Variants in DLGAP4 observed in about 807,000 individuals in gnomAD.
DLGAP4 encodes DLG associated protein 4, also known as disks large-associated protein 4.
DLGAP4 carries 18 observed loss-of-function variants against 86.9 expected under a neutral mutation model. That is an observed-to-expected ratio of 0.21 (90% CI 0.14 to 0.31). The LOEUF is 0.31. Ranked by LOEUF, DLGAP4 falls within the 10% of genes least tolerant of loss-of-function variation. The pLI is 1.00. For synonymous variants in DLGAP4, 548 were observed against 574.3 expected (o/e 0.95, Z 0.65); for missense variants, 1,085 against 1,362.6 (o/e 0.80, Z 3.21).
intron 1 of DLGAP4, among the ~76,000 whole-genome samples, chr20:36,326,018 T>C (rs1215052098): frequency 6.6e-6 from 1 of 152,162 alleles, no homozygotes; most frequent in Non-Finnish European, 1.5e-5. Flanking sequence ...GTGCCTGTCC[T>C]GAAACAGACT....
intron 7 of DLGAP4, among the ~76,000 whole-genome samples, chr20:36,464,468 A>G (rs985537578): frequency 7.9e-5 from 12 of 151,862 alleles, no homozygotes; most frequent in African/African-American, 2.9e-4. Context: ...AGGCTGAGGC[A>G]GGAGGACAGC....
intron 7 of DLGAP4, chr20:36,461,877 C>T (rs2034095924): frequency 5.1e-6 from 5 of 985,028 alleles, no homozygotes; most frequent in Non-Finnish European, 6.0e-6. Context: ...CGCGCTCCTC[C>T]GCAGCCCCTC....
At position 36,446,779 on chromosome 20, in the gene DLGAP4, C is replaced by A. The variant is rs192489219; in HGVS notation, c.1490C>A (p.Thr497Lys). Residue 497 changes from threonine to lysine, a missense_variant, in exon 7 of 13, where the codon ACG (threonine) becomes AAG (lysine). By Grantham distance (78) the Thr-to-Lys change is moderately conservative. This residue lies in a region of DLGAP4 where 1,082 missense variants were observed against 1,344.1 expected (regional missense o/e 0.81). Transcript: ENST00000339266. ...GAAGCGGAGTCCACAGCGGCAGAGA[C>A]GCTTGACTTGCCACTGCCCAGCTAC... ...CSEAESTAAETLDLPLPSYFR... is the reference protein window; with the variant it reads ...CSEAESTAAEKLDLPLPSYFR... 1 of 1,612,822 alleles carries A rather than the reference C, an allele frequency of 6.2e-7. No homozygotes were observed. The highest frequency in any genetic ancestry group is 8.5e-7 in the Non-Finnish European group (1 of 1,179,808).
chr20:36,393,890 A>G lies in DLGAP4; in HGVS notation c.-73+26615A>G, dbSNP rs1317754750. 1.3e-5 allele frequency among the ~76,000 whole-genome samples: 2 copies of G among 152,070 alleles called. No homozygotes were observed. The highest frequency in any genetic ancestry group is 4.8e-5 in the African/African-American group (2 of 41,398). On this transcript the variant is annotated intron_variant, in intron 2 of 12. Coordinates refer to ENST00000339266, the MANE Select transcript of DLGAP4 (RefSeq NM_001365621.2). This position sits in a 1 kb window ranked among gnomAD's most constrained non-coding sequence, Gnocchi z 4.4. ...TCGGCCAGCCCTGAGGCAGCTGAGG[A>G]GGGGGCTCAGGGACTCATCCCTCGC...
intron 7 of DLGAP4, among the ~76,000 whole-genome samples, chr20:36,471,949 C>A (rs1166499528): frequency 6.6e-6 from 1 of 152,130 alleles, no homozygotes; most frequent in Non-Finnish European, 1.5e-5. Flanking sequence ...TTGCTCTGCC[C>A]TAGGTTGCTG....
chr20:36,431,541 G>A lies in DLGAP4; in HGVS notation c.-72-105G>A. The A allele has an allele frequency of 1.5e-6, 1 of 679,590 alleles. No individual in the cohort carries two copies. Among genetic ancestry groups the A allele is most frequent in the Non-Finnish European group, 2.4e-6 (1 of 414,426 alleles). The allele number at this position is 679,590 out of a possible 1,614,324, so 42.1% of individuals were successfully genotyped here. On this transcript the variant is annotated intron_variant, in intron 2 of 12. Coordinates refer to ENST00000339266, the MANE Select transcript of DLGAP4 (RefSeq NM_001365621.2). This position sits in a 1 kb window ranked among gnomAD's most constrained non-coding sequence, Gnocchi z 5.1. ...CCTCAGGCCCACAACATTGAGGACT[G>A]GCTTCAGAGATCCTCCCAGCCTTGC...
At chr20:36,457,461 G>A (rs116284023) in intron 7 of DLGAP4, among the ~76,000 whole-genome samples, 1,882 of 146,044 alleles carry the variant, frequency 0.013, 41 homozygotes, top group African/African-American at 0.045. Flanking sequence ...TGCAATGTCC[G>A]CCTCCCTGGT....
At chr20:36,331,051 G>A (rs2065262383) in intron 1 of DLGAP4, among the ~76,000 whole-genome samples, 1 of 152,188 alleles carries the variant, frequency 6.6e-6, no homozygotes, top group Non-Finnish European at 1.5e-5. Context: ...CTCACAAAGT[G>A]GGCCATGTGA....
chr20:36,486,416 C>A (rs1200260816), intron 7 of DLGAP4, among the ~76,000 whole-genome samples: 1 of 152,076 alleles, frequency 6.6e-6, no homozygotes, highest in African/African-American at 2.4e-5. Flanking sequence ...TGAGAAGGAG[C>A]AGACATGCCA....
intron 10 of DLGAP4, among the ~76,000 whole-genome samples, chr20:36,504,910 AT>A: frequency 6.6e-6 from 1 of 151,618 alleles, no homozygotes; most frequent in East Asian, 1.9e-4. Context: ...CTCATCATAT[AT>A]ATGATTTGCA....
chr20:36,425,474 G>T (rs1240131573), intron 2 of DLGAP4, among the ~76,000 whole-genome samples: 1 of 152,160 alleles, frequency 6.6e-6, no homozygotes, highest in Admixed American at 6.5e-5. Context: ...GTATATTGCT[G>T]GTGGGAACGT....
chr20:36,466,946 GTC>G lies in DLGAP4; in HGVS notation c.1648+20027_1648+20028del, dbSNP rs1187637533. On this transcript the variant is annotated intron_variant, in intron 7 of 12. Transcript: ENST00000339266. ...TCTTGCTCTCTCTCTCTCTCTCTCT[GTC>G]TCTCTCTCTCTCTCTCTGTCTCTCT... is the stretch of plus-strand genomic sequence containing the variant. 6.0e-3 allele frequency among the ~76,000 whole-genome samples: 562 copies of G among 94,192 alleles called. 4 individuals carry two copies. Among genetic ancestry groups the G allele is most frequent in the African/African-American group, 0.018 (431 of 24,450 alleles). 61.8% of individuals were successfully genotyped at this position (94,192 alleles called of 152,430 possible).
intron 1 of DLGAP4, among the ~76,000 whole-genome samples, chr20:36,363,257 G>A (rs1430826037): frequency 1.3e-5 from 2 of 152,236 alleles, no homozygotes; most frequent in East Asian, 3.8e-4. Flanking sequence ...GAGGGAACCA[G>A]AGGTGGTGCA....
chr20:36,334,697 A>G (rs1162524634), intron 1 of DLGAP4, among the ~76,000 whole-genome samples: 2 of 152,182 alleles, frequency 1.3e-5, no homozygotes, highest in Non-Finnish European at 2.9e-5. Flanking sequence ...CAAGGAAGGC[A>G]GTCTGGCTGA....
intron 2 of DLGAP4, among the ~76,000 whole-genome samples, chr20:36,383,727 G>A (rs1053979245): frequency 3.9e-5 from 6 of 152,072 alleles, no homozygotes; most frequent in African/African-American, 1.2e-4. Flanking sequence ...TGTAATCCCA[G>A]CACTTTGGGA....
chr20:36,374,566 G>A (rs1443103564), intron 2 of DLGAP4, among the ~76,000 whole-genome samples: 1 of 152,212 alleles, frequency 6.6e-6, no homozygotes, highest in African/African-American at 2.4e-5. Flanking sequence ...GTGGGATGAA[G>A]GAAGTGTCAG....
At chr20:36,358,783 G>A (rs1555894026) in intron 1 of DLGAP4, among the ~76,000 whole-genome samples, 2 of 151,796 alleles carry the variant, frequency 1.3e-5, no homozygotes, top group African/African-American at 4.8e-5. Flanking sequence ...ACTCCAGCCT[G>A]GGCAACAGAG....
At chr20:36,385,607 T>C (rs1055460368) in intron 2 of DLGAP4, among the ~76,000 whole-genome samples, 9 of 152,184 alleles carry the variant, frequency 5.9e-5, no homozygotes, top group Non-Finnish European at 1.0e-4. Context: ...GGGCAGGCAG[T>C]CTCAAGCCCC....
rs147994503 is a variant in DLGAP4 at position 36,357,439 on chromosome 20, G to A, written c.-303-9606G>A. 8.7e-4 allele frequency among the ~76,000 whole-genome samples: 133 copies of A among 152,332 alleles called. 1 individual carries two copies. Among genetic ancestry groups the A allele is most frequent in the African/African-American group, 3.1e-3 (128 of 41,576 alleles). ...GCTCCCATAAGCCCTTGGGGCTCAAGAAGTGTTGGTTTGCAATACAATATT... is the reference window on the plus strand; with the variant it reads ...GCTCCCATAAGCCCTTGGGGCTCAAAAAGTGTTGGTTTGCAATACAATATT... On this transcript the variant is annotated intron_variant, in intron 1 of 12. Coordinates refer to ENST00000339266, the MANE Select transcript of DLGAP4 (RefSeq NM_001365621.2).
Sources: allele counts gnomAD v4.1 joint callset (sites outside exome capture counted in the v4.1 genomes callset), GRCh38; gene constraint gnomAD v4.1.1; regional missense constraint gnomAD v4.1.1; non-coding constraint Gnocchi (gnomAD v3.1); transcripts MANE v1.5; gene names NCBI Gene and HGNC (gene_info 2026-07-23, HGNC 2026-07-21).